The following AMPD3 variants were observed in gnomAD, a reference collection of about 807,000 sequenced individuals.
AMPD3 encodes the protein adenosine monophosphate deaminase 3.
A neutral mutation model predicts 82.3 loss-of-function variants in AMPD3; 57 were observed. The ratio of observed to expected loss-of-function variants is 0.69; its 90% CI spans 0.56 to 0.86. The LOEUF (loss-of-function observed/expected upper bound fraction) is 0.86. AMPD3 is among the 40% of genes least tolerant of loss of function. The pLI is 0.00. For missense variants in AMPD3, 870 were observed against 1,003.8 expected, an observed-to-expected ratio of 0.87 and a Z score of 1.80; for synonymous variants, 381 against 394.7, an observed-to-expected ratio of 0.97 and a Z score of 0.41.
At position 10,471,806 on chromosome 11, in the gene AMPD3, G is replaced by A. The variant is rs12291443; in HGVS notation, c.222-6720G>A. On this transcript the variant is annotated intron_variant, in intron 2 of 14. Transcript: ENST00000396553. ...AAAAAGTCAGGAAACAACAGATGCT[G>A]GAGAGGATGTGGAGAAATAGGAATG... Among the ~76,000 whole-genome samples the A allele has an allele frequency of 3.8e-3, 576 of 152,364 alleles. 5 individuals carry two copies. The highest frequency in any genetic ancestry group is 0.013 in the African/African-American group (541 of 41,584).
At chr11:10,505,204 G>A (rs1052542069) in intron 14 of AMPD3, 10 of 985,282 alleles carry the variant, frequency 1.0e-5, no homozygotes, top group African/African-American at 3.5e-5. Context: ...TCTGATGTAC[G>A]TTAGGTCCCC....
At chr11:10,462,822 G>C (rs1848311157) in intron 2 of AMPD3, among the ~76,000 whole-genome samples, 1 of 152,214 alleles carries the variant, frequency 6.6e-6, no homozygotes, top group Admixed American at 6.5e-5. Flanking sequence ...GGATGCTTCA[G>C]GGTATAAAGA....
intron 10 of AMPD3, chr11:10,497,902 G>A: frequency 1.1e-6 from 1 of 942,816 alleles, no homozygotes; most frequent in Non-Finnish European, 1.3e-6. Flanking sequence ...TTAACAGTAA[G>A]CGGAATTATT....
Position 10,482,081 on chromosome 11 carries a change from G to A in AMPD3, c.445G>A (p.Glu149Lys), listed in dbSNP as rs1168183249. 1.2e-6 allele frequency: 2 copies of A among 1,614,218 alleles called. No individual in the cohort carries two copies. Among genetic ancestry groups the A allele is most frequent in the Non-Finnish European group, 1.7e-6 (2 of 1,180,040 alleles). ...YCAGITLEDY[E>K]QAAKSLAKAL... is the part of the protein sequence containing the mutation. ...TCTGCAGATCACTTTGGAGGACTAT[G>A]AGCAGGCAGCCAAGAGTCTGGCCAA... Residue 149 changes from glutamate (E) to lysine (K), a missense_variant, in exon 4 of 15, where the codon GAG becomes AAG. Transcript: ENST00000396553.
At chr11:10,465,899 G>C (rs1848407801) in intron 2 of AMPD3, among the ~76,000 whole-genome samples, 1 of 150,706 alleles carries the variant, frequency 6.6e-6, no homozygotes, top group African/African-American at 2.4e-5. Context: ...CCCCTGGAAA[G>C]GGGGCTAAAG....
chr11:10,451,141 C>T, upstream of AMPD3: 1 of 1,510,324 alleles, frequency 6.6e-7, no homozygotes, highest in Non-Finnish European at 8.8e-7. Flanking sequence ...TGAACCGCGG[C>T]TTCCGCCTTC....
At chr11:10,465,864 C>A (rs34796012) in intron 2 of AMPD3, among the ~76,000 whole-genome samples, 5 of 147,526 alleles carry the variant, frequency 3.4e-5, no homozygotes, top group African/African-American at 1.0e-4. Context: ...GCGCCTGGAG[C>A]GCCAGCAAGA....
intron 2 of AMPD3, chr11:10,478,022 C>T (rs1848790208): frequency 2.0e-6 from 2 of 985,408 alleles, no homozygotes; most frequent in African/African-American, 3.5e-5. Context: ...GCTCCAATGC[C>T]CCAAATGTCT....
intron 5 of AMPD3, among the ~76,000 whole-genome samples, chr11:10,486,376 G>A (rs570152793): frequency 1.4e-4 from 22 of 152,300 alleles, no homozygotes; most frequent in African/African-American, 4.8e-4. Flanking sequence ...GCAGGGTAGC[G>A]TGAATTGTGG....
In AMPD3 at chr11:10,495,788, C is replaced by T. The variant is rs1260159809; in HGVS notation, c.1430+55C>T. ...TGCCCTACAGAGGTGACAATCTGTC[C>T]CTCATGGGCTGCTGAGTCTGCACTC... On this transcript the variant is annotated intron_variant, in intron 9 of 14. Coordinates refer to ENST00000396553, the MANE Select transcript of AMPD3 (RefSeq NM_001025389.2). 3.1e-6 allele frequency: 5 copies of T among 1,606,262 alleles called. No individual in the cohort carries two copies. The African/African-American group carries it at 4.0e-5, about 13-fold the overall frequency.
chr11:10,479,974 G>A, intron 3 of AMPD3: 1 of 985,430 alleles, frequency 1.0e-6, no homozygotes, highest in Non-Finnish European at 1.2e-6. Context: ...CCTGAGGCAG[G>A]TGGGCAGGGC....
chr11:10,483,844 G>A (rs1342520972), intron 4 of AMPD3, among the ~76,000 whole-genome samples: 3 of 152,222 alleles, frequency 2.0e-5, no homozygotes, highest in African/African-American at 7.2e-5. Flanking sequence ...TTCCTTTGAT[G>A]CAGATCTTGA....
At chr11:10,484,610 ACAT>A (rs1849008928) in intron 4 of AMPD3, 1 of 729,824 alleles carries the variant, frequency 1.4e-6, no homozygotes, top group African/African-American at 1.9e-5. Flanking sequence ...AGTGGAGAAG[ACAT>A]CATATCTGAG....
At chr11:10,478,269 A>G (rs1848798312) in intron 2 of AMPD3, 1 of 985,218 alleles carries the variant, frequency 1.0e-6, no homozygotes, top group South Asian at 4.7e-5. Context: ...TGCCTGCTTT[A>G]ATCTTCTGTG....
chr11:10,481,369 A>T, intron 3 of AMPD3: 1 of 885,352 alleles, frequency 1.1e-6, no homozygotes, highest in Non-Finnish European at 1.4e-6. Context: ...GCCTTCAGGG[A>T]TAGGACTCAG....
rs554292702 is a variant in AMPD3 at position 10,507,261 on chromosome 11, G to A, written c.*1377G>A. 2.0e-5 allele frequency: 3 copies of A among 152,216 alleles called. No homozygotes were observed. Among genetic ancestry groups the A allele is most frequent in the African/African-American group, 7.2e-5 (3 of 41,494 alleles). The allele number at this position is 152,216 out of a possible 1,614,324, so 9.4% of individuals were successfully genotyped here. On this transcript the variant is annotated 3_prime_UTR_variant, in exon 15 of 15. Transcript: ENST00000396553. ...TTTTGAATCATTATAGTTAGAAGAA[G>A]AATCCAGTTTCTGCCTGTGAACTTA...
Position 10,484,904 on chromosome 11 carries a change from A to AG in AMPD3, c.680dup (p.Ile228HisfsTer6). 1.2e-6 allele frequency: 2 copies of AG among 1,613,978 alleles called. No individual in the cohort carries two copies. Among genetic ancestry groups the AG allele is most frequent in the Non-Finnish European group, 1.7e-6 (2 of 1,179,982 alleles). On this transcript the variant is annotated frameshift_variant, in exon 5 of 15. Coordinates refer to ENST00000396553, the MANE Select transcript of AMPD3 (RefSeq NM_001025389.2). LOFTEE classifies it high-confidence loss of function. ...AACCTGGATTACTTGGTCCACATGC[A>AG]GGGGGGCATCCTCTTTGTGTATGAT...
intron 5 of AMPD3, chr11:10,486,710 G>T (rs890537154): frequency 2.0e-6 from 2 of 985,306 alleles, no homozygotes; most frequent in Admixed American, 6.1e-5. Flanking sequence ...CCCAAGGTGG[G>T]CAGGTCATGC....
intron 2 of AMPD3, among the ~76,000 whole-genome samples, chr11:10,462,893 T>C (rs1170362770): frequency 6.6e-6 from 1 of 152,154 alleles, no homozygotes; most frequent in Non-Finnish European, 1.5e-5. Flanking sequence ...CCCAGTTTCT[T>C]CCAGAAGGCC....
Sources: gnomAD v4.1 joint callset for allele counts (sites outside exome capture counted in the v4.1 genomes callset) on GRCh38, gnomAD v4.1.1 for gene constraint, MANE v1.5 for transcripts, NCBI Gene and HGNC (gene_info 2026-07-23, HGNC 2026-07-21) for gene names.